RBFOX1: variants seen among roughly 807,000 people sequenced by gnomAD.
RBFOX1 encodes the protein RNA binding fox-1 homolog 1, also known as RNA binding protein fox-1 homolog 1.
RBFOX1 carries 8 observed loss-of-function variants against 57.7 expected under a neutral mutation model. The observed-to-expected ratio is 0.14, with a 90% CI of 0.08 to 0.25. The LOEUF is 0.25. RBFOX1 is among the 10% of genes least tolerant of loss of function. RBFOX1 has a pLI of 1.00. For synonymous variants in RBFOX1, 326 were observed against 222.4 expected, an observed-to-expected ratio of 1.47 and a Z score of -4.15; for missense variants, 611 against 548.5, an observed-to-expected ratio of 1.11 and a Z score of -1.14.
At chr16:6,167,352 C>T (rs1368047760) in intron 1 of RBFOX1, among the ~76,000 whole-genome samples, 2 of 152,192 alleles carry the variant, frequency 1.3e-5, no homozygotes, top group East Asian at 3.9e-4. Flanking sequence ...CCCAGCCTGG[C>T]TTCAGCTTGC....
chr16:6,989,512 GATTT>G (rs1243981012), intron 3 of RBFOX1, among the ~76,000 whole-genome samples: 1 of 152,112 alleles, frequency 6.6e-6, no homozygotes, highest in Non-Finnish European at 1.5e-5. Flanking sequence ...TAGATAAACT[GATTT>G]ATTAGTTGCC....
At chr16:5,573,368 C>G (rs1431154736) in intron 2 of RBFOX1, among the ~76,000 whole-genome samples, 1 of 152,210 alleles carries the variant, frequency 6.6e-6, no homozygotes, top group Non-Finnish European at 1.5e-5. Flanking sequence ...TGTTCCACCT[C>G]TTCCCCTGCC....
At chr16:5,247,993 T>C (rs907835675) in intron 1 of RBFOX1, among the ~76,000 whole-genome samples, 2 of 152,140 alleles carry the variant, frequency 1.3e-5, no homozygotes, top group African/African-American at 4.8e-5. Flanking sequence ...GATTTTTGTA[T>C]GGGGAAGAGA....
chr16:6,062,589 T>G (rs1596860085), intron 1 of RBFOX1, among the ~76,000 whole-genome samples: 1 of 84,212 alleles, frequency 1.2e-5, no homozygotes, highest in African/African-American at 4.4e-5. Context: ...ATAGAGATTG[T>G]ATATATGTAT....
At chr16:5,681,389 CTTTTTTTT>C (rs1003773008) in intron 3 of RBFOX1, among the ~76,000 whole-genome samples, 2 of 126,526 alleles carry the variant, frequency 1.6e-5, no homozygotes, top group African/African-American at 5.9e-5. Context: ...CAGCTTTTTT[CTTTTTTTT>C]TTTTTTTTGA....
At chr16:6,419,230 C>T (rs1369647753) in intron 2 of RBFOX1, among the ~76,000 whole-genome samples, 1 of 152,166 alleles carries the variant, frequency 6.6e-6, no homozygotes, top group East Asian at 1.9e-4. Context: ...TTGAAGCACT[C>T]CATGATTTTT....
chr16:7,086,179 C>G (rs982191904), intron 4 of RBFOX1, among the ~76,000 whole-genome samples: 3 of 152,098 alleles, frequency 2.0e-5, no homozygotes, highest in African/African-American at 7.2e-5. Flanking sequence ...TCTCATGCTG[C>G]CAATGATTCC....
At chr16:7,456,440 A>C (rs2058527461) in intron 4 of RBFOX1, among the ~76,000 whole-genome samples, 1 of 152,216 alleles carries the variant, frequency 6.6e-6, no homozygotes, top group African/African-American at 2.4e-5. Flanking sequence ...CTAAGTACTC[A>C]GCTGAAAAGC....
intron 1 of RBFOX1, among the ~76,000 whole-genome samples, chr16:6,232,644 C>T (rs2097472771): frequency 6.6e-6 from 1 of 152,210 alleles, no homozygotes. Flanking sequence ...AAACTAGGAA[C>T]AGAGGAGGAA....
chr16:6,205,078 C>G (rs1455449647), intron 1 of RBFOX1, among the ~76,000 whole-genome samples: 4 of 152,142 alleles, frequency 2.6e-5, no homozygotes, highest in Non-Finnish European at 2.9e-5. Context: ...ATTCTATTAT[C>G]TCAGAAGCTC....
chr16:5,621,820 A>G (rs1890587499), intron 3 of RBFOX1, among the ~76,000 whole-genome samples: 1 of 152,184 alleles, frequency 6.6e-6, no homozygotes, highest in Non-Finnish European at 1.5e-5. Flanking sequence ...GCAAATGTGT[A>G]TCTATCCAGG....
chr16:6,939,867 C>T (rs994731354), intron 3 of RBFOX1, among the ~76,000 whole-genome samples: 2 of 152,088 alleles, frequency 1.3e-5, no homozygotes, highest in Admixed American at 1.3e-4. Flanking sequence ...TGTCAAGGCT[C>T]TTTGTAATTT....
At chr16:7,313,793 T>G (rs889177409) in intron 4 of RBFOX1, among the ~76,000 whole-genome samples, 1 of 152,148 alleles carries the variant, frequency 6.6e-6, no homozygotes, top group African/African-American at 2.4e-5. Context: ...AGCTGATATT[T>G]AAAACCAGAC....
At chr16:6,749,149 G>C (rs184479492) in intron 3 of RBFOX1, among the ~76,000 whole-genome samples, 2 of 152,154 alleles carry the variant, frequency 1.3e-5, no homozygotes, top group Non-Finnish European at 2.9e-5. Flanking sequence ...GATGGCATTC[G>C]AGAGAAAAAG....
At chr16:6,522,641 G>C (rs906371481) in intron 2 of RBFOX1, among the ~76,000 whole-genome samples, 1 of 152,152 alleles carries the variant, frequency 6.6e-6, no homozygotes, top group Non-Finnish European at 1.5e-5. Context: ...TTGGCATTCA[G>C]TACCGGGGTT....
intron 4 of RBFOX1, among the ~76,000 whole-genome samples, chr16:5,950,144 C>G (rs1347034933): frequency 6.6e-6 from 1 of 152,164 alleles, no homozygotes; most frequent in Non-Finnish European, 1.5e-5. Context: ...GTAAGAATGA[C>G]TACATCATTT....
At chr16:5,393,931 T>C (rs1471486529) in intron 1 of RBFOX1, among the ~76,000 whole-genome samples, 1 of 152,222 alleles carries the variant, frequency 6.6e-6, no homozygotes, top group Non-Finnish European at 1.5e-5. Context: ...CTCTGTAAAC[T>C]TGACTCTTCT....
chr16:6,322,484 A>G (rs2081927742), intron 2 of RBFOX1, among the ~76,000 whole-genome samples: 1 of 152,130 alleles, frequency 6.6e-6, no homozygotes, highest in African/African-American at 2.4e-5. Flanking sequence ...TTCTATGTAG[A>G]TCTCTGTTAA....
intron 3 of RBFOX1, among the ~76,000 whole-genome samples, chr16:5,824,056 A>G (rs1379308714): frequency 1.3e-5 from 2 of 152,186 alleles, no homozygotes; most frequent in African/African-American, 2.4e-5. Flanking sequence ...GTTTCGAATC[A>G]AGATATTGTG....
Sources: gnomAD v4.1 joint callset for allele counts (sites outside exome capture counted in the v4.1 genomes callset) on GRCh38, gnomAD v4.1.1 for gene constraint, MANE v1.5 for transcripts, NCBI Gene and HGNC (gene_info 2026-07-23, HGNC 2026-07-21) for gene names.